The following PDS5A variants were observed in gnomAD, a reference collection of about 807,000 sequenced individuals.
The protein encoded by PDS5A is PDS5 cohesin associated factor A.
PDS5A carries 42 observed loss-of-function variants against 167.1 expected under a neutral mutation model. That is an observed-to-expected ratio of 0.25 (90% confidence interval 0.20 to 0.33). The LOEUF (loss-of-function observed/expected upper bound fraction) is 0.33. Among genes scored for constraint, PDS5A ranks in the 10% least tolerant of loss-of-function variants. PDS5A has a pLI of 1.00. For synonymous variants in PDS5A, 553 were observed against 554.6 expected (o/e 1.00, Z 0.04); for missense variants, 1,033 against 1,605.9 (o/e 0.64, Z 6.10).
chr4:39,945,077 A>G (rs71606202), intron 2 of PDS5A, among the ~76,000 whole-genome samples: 1 of 152,316 alleles, frequency 6.6e-6, no homozygotes, highest in East Asian at 1.9e-4. Flanking sequence ...CTTATGTAAT[A>G]CAATGATATC....
At chr4:39,891,937 T>C (rs1241014250) in intron 16 of PDS5A, among the ~76,000 whole-genome samples, 1 of 151,422 alleles carries the variant, frequency 6.6e-6, no homozygotes, top group African/African-American at 2.4e-5. Context: ...GGCAAAACCC[T>C]GTTTCTACCA....
Position 39,824,315 on chromosome 4 carries a change from C to T in PDS5A, c.*1170G>A, listed in dbSNP as rs1715088458. ...ATGATAAAAAGATTAAAAAGACTGC[C>T]ATGACATCTAGAAGCATTTATTTTA... is the stretch of plus-strand genomic sequence containing the variant. On this transcript the variant is annotated 3_prime_UTR_variant, in exon 33 of 33. Coordinates refer to ENST00000303538, the MANE Select transcript of PDS5A (RefSeq NM_001100399.2). The T allele has an allele frequency of 6.6e-6, 1 of 152,046 alleles. No homozygotes were observed. The highest frequency in any genetic ancestry group is 1.5e-5 in the Non-Finnish European group (1 of 68,018). 9.4% of individuals were successfully genotyped at this position (152,046 alleles called of 1,614,324 possible).
intron 2 of PDS5A, among the ~76,000 whole-genome samples, chr4:39,946,122 G>A (rs1211745692): frequency 2.0e-5 from 3 of 150,694 alleles, no homozygotes; most frequent in African/African-American, 7.3e-5. Flanking sequence ...CAGGAGAATC[G>A]CTTGAACCCA....
At chr4:39,881,696 C>T (rs1034193090) in intron 17 of PDS5A, among the ~76,000 whole-genome samples, 5 of 152,146 alleles carry the variant, frequency 3.3e-5, no homozygotes, top group Non-Finnish European at 5.9e-5. Context: ...AACTCATTCA[C>T]CATTACTCCC....
intron 2 of PDS5A, among the ~76,000 whole-genome samples, chr4:39,966,990 C>G (rs1730029258): frequency 6.7e-6 from 1 of 150,002 alleles, no homozygotes; most frequent in African/African-American, 2.5e-5. Context: ...GAGTGAAATT[C>G]CCTTTCAAAA....
intron 28 of PDS5A, chr4:39,847,849 T>C (rs1717763027): frequency 6.6e-6 from 1 of 152,100 alleles, no homozygotes; most frequent in Non-Finnish European, 1.5e-5. Flanking sequence ...TGCAGACTGG[T>C]ATGGGTTATG....
chr4:39,916,729 G>A (rs935186576), intron 8 of PDS5A, among the ~76,000 whole-genome samples: 2 of 152,026 alleles, frequency 1.3e-5, no homozygotes, highest in African/African-American at 4.8e-5. Context: ...ATATGGGCAT[G>A]GTGGTTTGCA....
Position 39,866,854 on chromosome 4 carries a change from A to G in PDS5A, c.2642+7T>C, listed in dbSNP as rs760464145. 1.9e-6 allele frequency: 3 copies of G among 1,594,238 alleles called. No homozygotes were observed. The highest frequency in any genetic ancestry group is 2.6e-6 in the Non-Finnish European group (3 of 1,173,712). On this transcript the variant is annotated splice_region_variant and intron_variant, in intron 23 of 32. Coordinates refer to ENST00000303538, the MANE Select transcript of PDS5A (RefSeq NM_001100399.2). ...CTAAGAAAACTGGAAAGAAAGAAAA[A>G]TCTCACCTGATCCTCTTTTGCTCTG...
chr4:39,823,485 A>G lies in PDS5A; in HGVS notation c.*2000T>C, dbSNP rs1268531227. 1.3e-5 allele frequency: 2 copies of G among 152,636 alleles called. No homozygotes were observed. The highest frequency in any genetic ancestry group is 2.1e-4 in the South Asian group (1 of 4,824). The allele number at this position is 152,636 out of a possible 1,614,324, so 9.5% of individuals were successfully genotyped here. A position where few individuals can be genotyped will look rare whatever the true frequency, so the allele number is the denominator to read the frequency against. The stretch of plus-strand genomic sequence containing the variant: ...AGTAAACTGTGATGCCGGGCAATTA[A>G]TCAAAGGGAGGAAGAGACAAAGGTC... On this transcript the variant is annotated 3_prime_UTR_variant, in exon 33 of 33. Transcript: ENST00000303538.
At position 39,828,780 on chromosome 4, in the gene PDS5A, G is replaced by T. The variant is rs75988419; in HGVS notation, c.4011-3292C>A. ...GATCGACAAAAGAGCACCTATAGAT[G>T]ACTGGGGTGAGGTTAAGAGGTAAGC... On this transcript the variant is annotated intron_variant, in intron 32 of 32. Coordinates refer to ENST00000303538, the MANE Select transcript of PDS5A (RefSeq NM_001100399.2). 3.8e-3 allele frequency among the ~76,000 whole-genome samples: 584 copies of T among 152,314 alleles called. 5 individuals are homozygous for T. The highest frequency in any genetic ancestry group is 8.3e-3 in the Admixed American group (127 of 15,300).
Position 39,977,131 on chromosome 4 carries a change from G to A in PDS5A, c.-41+326C>T, listed in dbSNP as rs920543009. Among the ~76,000 whole-genome samples, 1 of 151,724 alleles carries A rather than the reference G, an allele frequency of 6.6e-6. No homozygotes were observed. The highest frequency in any genetic ancestry group is 2.4e-5 in the African/African-American group (1 of 41,298). On this transcript the variant is annotated intron_variant, in intron 1 of 32. Transcript: ENST00000303538. The surrounding 1 kb of genome is among the most constrained non-coding windows in gnomAD (Gnocchi z 4.2). ...CCAGCCGAGCCTCGGACCCGGGGTA[G>A]TCCCCGCCGCGCTGCCACCCCTCCC...
intron 2 of PDS5A, among the ~76,000 whole-genome samples, chr4:39,951,744 C>T (rs1411145704): frequency 6.6e-6 from 1 of 151,684 alleles, no homozygotes; most frequent in Non-Finnish European, 1.5e-5. Context: ...ACTAAAAATA[C>T]AAAAAATTAG....
At chr4:39,946,106 T>C (rs748073393) in intron 2 of PDS5A, among the ~76,000 whole-genome samples, 29 of 148,958 alleles carry the variant, frequency 1.9e-4, no homozygotes, top group Middle Eastern at 3.4e-3. Context: ...ACTTGGGAGG[T>C]TGAGGCAGGA....
At chr4:39,906,022 GA>G (rs1723309174) in intron 11 of PDS5A, among the ~76,000 whole-genome samples, 1 of 146,714 alleles carries the variant, frequency 6.8e-6, no homozygotes, top group Admixed American at 6.8e-5. Flanking sequence ...AAAAAAAAAA[GA>G]TAAGAAAATT....
At position 39,848,697 on chromosome 4, in the gene PDS5A, C is replaced by G. The variant is rs1414231137; in HGVS notation, c.3339+154G>C. On this transcript the variant is annotated intron_variant, in intron 28 of 32. Coordinates refer to ENST00000303538, the MANE Select transcript of PDS5A (RefSeq NM_001100399.2). Reference sequence around the variant, plus strand: ...CTTCTGTTCAAGTCAGAATAATGTTCAGGGCTGTGTAAGACAATTTCCCAC... The same window carrying G: ...CTTCTGTTCAAGTCAGAATAATGTTGAGGGCTGTGTAAGACAATTTCCCAC... 14 of 634,194 alleles carry G rather than the reference C, an allele frequency of 2.2e-5. No homozygotes were observed. The South Asian group carries it at 2.7e-4, about 12-fold the overall frequency. The allele number at this position is 634,194 out of a possible 1,614,324, so 39.3% of individuals were successfully genotyped here.
At chr4:39,872,539 C>T (rs976958910) in intron 21 of PDS5A, among the ~76,000 whole-genome samples, 4 of 152,018 alleles carry the variant, frequency 2.6e-5, no homozygotes, top group Admixed American at 1.3e-4. Context: ...GTGACAGGCA[C>T]CTGTAATCCC....
intron 21 of PDS5A, among the ~76,000 whole-genome samples, chr4:39,871,654 A>G (rs947541454): frequency 2.6e-5 from 4 of 152,208 alleles, no homozygotes; most frequent in Non-Finnish European, 4.4e-5. Context: ...TCTTTATTCA[A>G]TAACAACAGA....
chr4:39,953,327 G>A (rs577481776), intron 2 of PDS5A, among the ~76,000 whole-genome samples: 46 of 152,204 alleles, frequency 3.0e-4, no homozygotes, highest in African/African-American at 1.1e-3. Context: ...AGAAACCTAG[G>A]TTGTTGGTAT....
intron 8 of PDS5A, among the ~76,000 whole-genome samples, chr4:39,916,632 C>A (rs1724412816): frequency 6.6e-6 from 1 of 151,990 alleles, no homozygotes; most frequent in South Asian, 2.1e-4. Context: ...CTTTGGGCAG[C>A]CGAGGTGGGC....
Sources: allele counts gnomAD v4.1 joint callset (sites outside exome capture counted in the v4.1 genomes callset), GRCh38; gene constraint gnomAD v4.1.1; non-coding constraint Gnocchi (gnomAD v3.1); transcripts MANE v1.5; gene names NCBI Gene and HGNC (gene_info 2026-07-23, HGNC 2026-07-21).